The following POLQ variants were observed in gnomAD, a reference collection of about 807,000 sequenced individuals.
POLQ encodes the protein DNA polymerase theta.
POLQ carries 233 observed loss-of-function variants against 259.2 expected under a neutral mutation model. The observed-to-expected ratio is 0.90, with a 90% CI of 0.81 to 1.00. The LOEUF is 1.00. Ranked by LOEUF, POLQ falls within the 50% of genes least tolerant of loss-of-function variation. POLQ has a pLI of 0.00. For missense variants in POLQ, 2,871 were observed against 3,051.6 expected (o/e 0.94, Z 1.39); for synonymous variants, 1,025 against 1,048.8 (o/e 0.98, Z 0.44).
intron 12 of POLQ, among the ~76,000 whole-genome samples, chr3:121,501,466 C>A (rs1235831504): frequency 6.8e-6 from 1 of 147,744 alleles, no homozygotes; most frequent in Non-Finnish European, 1.5e-5. Flanking sequence ...GAGACCATCC[C>A]GGCTAAAACG....
At position 121,488,026 on chromosome 3, in the gene POLQ, T is replaced by C; in HGVS notation, c.4905A>G (p.Ser1635=). 6.2e-7 allele frequency: 1 copy of C among 1,613,960 alleles called. No individual in the cohort carries two copies. Among genetic ancestry groups the C allele is most frequent in the Non-Finnish European group, 8.5e-7 (1 of 1,179,866 alleles). Residue 1635 remains serine, a synonymous_variant, in exon 16 of 30, where the codon TCA becomes TCG. Transcript: ENST00000264233. Reference sequence around the variant, plus strand: ...TTTGCAGTCCTGGACTTAGATCAAATGATGCCCCTGACCATATGAATGAAT... The same window carrying C: ...TTTGCAGTCCTGGACTTAGATCAAACGATGCCCCTGACCATATGAATGAAT... ...QNHSFIWSGA[S]FDLSPGLQRI...
At chr3:121,466,505 A>C (rs1205029883) in intron 24 of POLQ, among the ~76,000 whole-genome samples, 1 of 152,046 alleles carries the variant, frequency 6.6e-6, no homozygotes, top group East Asian at 1.9e-4. Context: ...AGCCTGACCA[A>C]CGTGGAGAAA....
chr3:121,487,185 T>A (rs1163273675), intron 16 of POLQ, 117 bp downstream of exon 16: 5 of 606,074 alleles, frequency 8.2e-6, no homozygotes, highest in Admixed American at 3.5e-5. Context: ...ACAGAGGAGA[T>A]ACATACTACA....
chr3:121,492,330 C>G (rs2048075075), intron 15 of POLQ, among the ~76,000 whole-genome samples: 1 of 152,130 alleles, frequency 6.6e-6, no homozygotes, highest in Admixed American at 6.5e-5. Flanking sequence ...GTTCAAAAAA[C>G]AGTGGTAGAA....
intron 28 of POLQ, among the ~76,000 whole-genome samples, chr3:121,434,533 A>G (rs960830417): frequency 5.9e-5 from 9 of 152,254 alleles, no homozygotes; most frequent in Non-Finnish European, 8.8e-5. Flanking sequence ...TCTCTCAATT[A>G]AATATAAATG....
chr3:121,519,738 A>G, intron 9 of POLQ, 133 bp downstream of exon 9: 1 of 678,844 alleles, frequency 1.5e-6, no homozygotes, highest in South Asian at 1.8e-5. Flanking sequence ...AGTGAATCCA[A>G]AATGATGACA....
chr3:121,502,327 C>T (rs1260507965), intron 12 of POLQ, among the ~76,000 whole-genome samples: 1 of 152,128 alleles, frequency 6.6e-6, no homozygotes, highest in African/African-American at 2.4e-5. Flanking sequence ...CTTCAGCCTC[C>T]TGAGTAGCTA....
At chr3:121,437,762 A>T (rs2047555897) in intron 27 of POLQ, among the ~76,000 whole-genome samples, 1 of 152,230 alleles carries the variant, frequency 6.6e-6, no homozygotes, top group Non-Finnish European at 1.5e-5. Flanking sequence ...CTTAGCTTCA[A>T]ACTGAAAACC....
intron 2 of POLQ, among the ~76,000 whole-genome samples, chr3:121,542,842 G>T (rs2048500087): frequency 6.6e-6 from 1 of 152,020 alleles, no homozygotes; most frequent in South Asian, 2.1e-4. Context: ...TTGGGGCCGG[G>T]CGTGGTGGCG....
chr3:121,436,347 A>G lies in POLQ; in HGVS notation c.7390-72T>C, dbSNP rs920614388. ...TTTCATACTTTCCTTTAGTGTCCAC[A>G]GTTCAGTGCTCACATTTGCAGCCAG... On this transcript the variant is annotated intron_variant, in intron 27 of 29. Transcript: ENST00000264233. 164 of 1,483,294 alleles carry G rather than the reference A, an allele frequency of 1.1e-4. 1 individual carries two copies. The highest frequency in any genetic ancestry group is 5.6e-4 in the South Asian group (47 of 83,436). 91.9% of individuals were successfully genotyped at this position (1,483,294 alleles called of 1,614,324 possible).
At chr3:121,449,552 T>A in intron 25 of POLQ, 126 bp from the exon 26 acceptor site, 1 of 676,706 alleles carries the variant, frequency 1.5e-6, no homozygotes, top group East Asian at 2.5e-5. Context: ...TTAGATTGCT[T>A]TTGGTGGGTT....
At chr3:121,452,258 G>A (rs2047684483) in intron 25 of POLQ, among the ~76,000 whole-genome samples, 2 of 152,100 alleles carry the variant, frequency 1.3e-5, no homozygotes, top group Non-Finnish European at 2.9e-5. Flanking sequence ...GCCTCGCCCT[G>A]CTTCGGCTCA....
At chr3:121,490,460 A>G (rs1207459279) in intron 15 of POLQ, 52 bp from the exon 16 acceptor site, 1 of 1,438,874 alleles carries the variant, frequency 6.9e-7, no homozygotes, top group Non-Finnish European at 9.7e-7. Context: ...TTCGTAAGGC[A>G]AGTATTTATT....
chr3:121,468,532 C>T, intron 22 of POLQ, 101 bp from the exon 23 acceptor site: 1 of 715,094 alleles, frequency 1.4e-6, no homozygotes, highest in Non-Finnish European at 2.4e-6. Context: ...TGCAGACTAT[C>T]AATGCTGAAC....
At chr3:121,502,395 G>C (rs2048177775) in intron 12 of POLQ, among the ~76,000 whole-genome samples, 1 of 152,014 alleles carries the variant, frequency 6.6e-6, no homozygotes, top group Non-Finnish European at 1.5e-5. Context: ...GTAAAGATGG[G>C]GCCTCACCAT....
chr3:121,536,413 T>C (rs2048450911), intron 5 of POLQ, among the ~76,000 whole-genome samples: 1 of 152,166 alleles, frequency 6.6e-6, no homozygotes. Flanking sequence ...GATGCTGCTG[T>C]AAATATTTTT....
Position 121,496,949 on chromosome 3 carries a change from A to C in POLQ, c.2154-17T>G, listed in dbSNP as rs1461081060. ...GTGAAAAACCTGGGAATAAATCATC[A>C]AAAGCGTGGTAAGAGATCCTTCACG... On this transcript the variant is annotated splice_polypyrimidine_tract_variant and intron_variant, in intron 13 of 29. Transcript: ENST00000264233. 1.2e-6 allele frequency: 2 copies of C among 1,611,154 alleles called. No individual in the cohort carries two copies. The highest frequency in any genetic ancestry group is 3.4e-5 in the Admixed American group (2 of 59,236).
chr3:121,508,016 ATTT>A (rs4048669), intron 12 of POLQ, among the ~76,000 whole-genome samples: 2 of 129,636 alleles, frequency 1.5e-5, no homozygotes, highest in African/African-American at 2.9e-5. Context: ...ACCATACACA[ATTT>A]TTTTTTTTTT....
At chr3:121,457,871 C>A (rs1470123847) in intron 25 of POLQ, among the ~76,000 whole-genome samples, 1 of 152,104 alleles carries the variant, frequency 6.6e-6, no homozygotes, top group African/African-American at 2.4e-5. Context: ...TTGACCCAGC[C>A]ATCCCATTAC....
Sources: gnomAD v4.1 joint callset for allele counts (sites outside exome capture counted in the v4.1 genomes callset) on GRCh38, gnomAD v4.1.1 for gene constraint, MANE v1.5 for transcripts, NCBI Gene and HGNC (gene_info 2026-07-23, HGNC 2026-07-21) for gene names.